The following TRAPPC9 variants were observed in gnomAD, a reference collection of about 807,000 sequenced individuals.
TRAPPC9 encodes IKK2 binding protein.
TRAPPC9 carries 83 observed loss-of-function variants against 124.0 expected under a neutral mutation model. That is an observed-to-expected ratio of 0.67 (90% CI 0.56 to 0.80). TRAPPC9 has a LOEUF of 0.80. Ranked by LOEUF, TRAPPC9 falls within the 30% of genes least tolerant of loss-of-function variation. The pLI is 0.00. For missense variants in TRAPPC9, 1,302 were observed against 1,508.3 expected (o/e 0.86, Z 2.27); for synonymous variants, 638 against 617.5 (o/e 1.03, Z -0.49).
At chr8:139,929,707 C>G (rs1404734139) in intron 19 of TRAPPC9, among the ~76,000 whole-genome samples, 1 of 152,262 alleles carries the variant, frequency 6.6e-6, no homozygotes, top group Non-Finnish European at 1.5e-5. Context: ...GCTTCAGGAA[C>G]CATGGTGCCA....
intron 18 of TRAPPC9, 42 bp from the exon 19 acceptor site, chr8:139,988,878 C>A: frequency 1.5e-6 from 2 of 1,331,086 alleles, no homozygotes; most frequent in Non-Finnish European, 2.1e-6. Context: ...CTCTGACAGC[C>A]AAAGAGGAAT....
In TRAPPC9 at chr8:139,987,153, A is replaced by G. The variant is rs147420641; in HGVS notation, c.2810+1573T>C. ...ATTCCGTTTGTAAGAAAACACCGCC[A>G]TTTGTTTGTCCGTTCTCCTGTAATG... On this transcript the variant is annotated intron_variant, in intron 19 of 22. Coordinates refer to ENST00000438773, the MANE Select transcript of TRAPPC9 (RefSeq NM_001160372.4). 6.4e-3 allele frequency among the ~76,000 whole-genome samples: 971 copies of G among 152,152 alleles called. 33 individuals carry two copies. Among genetic ancestry groups the G allele is most frequent in the Admixed American group, 0.052 (791 of 15,284 alleles).
intron 18 of TRAPPC9, among the ~76,000 whole-genome samples, chr8:140,021,095 C>G (rs922470076): frequency 1.3e-5 from 2 of 152,124 alleles, no homozygotes; most frequent in Non-Finnish European, 2.9e-5. Flanking sequence ...AATCTATTTA[C>G]GTTTAGTGTA....
intron 19 of TRAPPC9, among the ~76,000 whole-genome samples, chr8:139,975,920 G>C (rs1836413510): frequency 6.7e-6 from 1 of 148,322 alleles, no homozygotes; most frequent in African/African-American, 2.5e-5. Flanking sequence ...AATGGAGAAA[G>C]GACAGTCTTT....
rs569493110 is a variant in TRAPPC9 at position 140,066,815 on chromosome 8, G to T, written c.2557-42736C>A. On this transcript the variant is annotated intron_variant, in intron 17 of 22. Coordinates refer to ENST00000438773, the MANE Select transcript of TRAPPC9 (RefSeq NM_001160372.4). Reference sequence around the variant, plus strand: ...CAAAGGATGGGCACCCTCATCTCAGGGAGCAGTGCCAAGGGGCACAAAGCA... The same window carrying T: ...CAAAGGATGGGCACCCTCATCTCAGTGAGCAGTGCCAAGGGGCACAAAGCA... Among the ~76,000 whole-genome samples, 41 of 152,290 alleles carry T rather than the reference G, an allele frequency of 2.7e-4. 2 individuals carry two copies. The South Asian group carries it at 8.3e-3, about 31-fold the overall frequency.
At chr8:140,218,007 ACT>A (rs545393687) in intron 17 of TRAPPC9, among the ~76,000 whole-genome samples, 82 of 130,754 alleles carry the variant, frequency 6.3e-4, no homozygotes, top group African/African-American at 8.1e-4. Context: ...AGAGAGCAAT[ACT>A]CTGTCTCCAA....
chr8:140,210,765 T>TC (rs896873306), intron 17 of TRAPPC9, among the ~76,000 whole-genome samples: 5 of 152,034 alleles, frequency 3.3e-5, no homozygotes, highest in Non-Finnish European at 5.9e-5. Context: ...GGATGTTCTC[T>TC]CCCCCGGCTC....
chr8:140,325,939 C>G (rs1418160735), intron 9 of TRAPPC9, among the ~76,000 whole-genome samples: 8 of 152,116 alleles, frequency 5.3e-5, no homozygotes, highest in African/African-American at 1.9e-4. Flanking sequence ...CTGGCACCCC[C>G]AAAGCACTAT....
intron 5 of TRAPPC9, among the ~76,000 whole-genome samples, chr8:140,423,710 A>ATACACATG (rs2070321433): frequency 6.6e-6 from 1 of 151,490 alleles, no homozygotes; most frequent in Non-Finnish European, 1.5e-5. Context: ...GTATACACAT[A>ATACACATG]TATACATATA....
In TRAPPC9 at chr8:139,748,761, C is replaced by G. The variant is rs78963993; in HGVS notation, c.3056-16559G>C. Among the ~76,000 whole-genome samples the G allele has an allele frequency of 3.4e-4, 51 of 152,172 alleles. 1 individual carries two copies. Among genetic ancestry groups the G allele is most frequent in the Admixed American group, 1.1e-3 (17 of 15,290 alleles). Reference sequence around the variant, plus strand: ...TGCCCTCGGCATTCTGCACCTTGTGCCCATGTGTGCCACCTAGAAGGGCAT... The same window carrying G: ...TGCCCTCGGCATTCTGCACCTTGTGGCCATGTGTGCCACCTAGAAGGGCAT... On this transcript the variant is annotated intron_variant, in intron 21 of 22. Transcript: ENST00000438773.
At chr8:140,392,851 G>A (rs992547575) in intron 7 of TRAPPC9, among the ~76,000 whole-genome samples, 4 of 152,116 alleles carry the variant, frequency 2.6e-5, no homozygotes, top group African/African-American at 9.7e-5. Flanking sequence ...CTGTTAATGG[G>A]TCCTCAACAA....
intron 21 of TRAPPC9, among the ~76,000 whole-genome samples, chr8:139,817,207 TAA>T (rs1486692126): frequency 6.6e-6 from 1 of 152,046 alleles, no homozygotes; most frequent in Admixed American, 6.6e-5. Context: ...CATCTGGAGT[TAA>T]GTCAATGAGG....
chr8:140,272,402 G>A (rs1221393164), intron 15 of TRAPPC9, among the ~76,000 whole-genome samples: 1 of 144,202 alleles, frequency 6.9e-6, no homozygotes, highest in African/African-American at 2.5e-5. Flanking sequence ...GGTGGCGATG[G>A]TGATAATGGT....
intron 21 of TRAPPC9, among the ~76,000 whole-genome samples, chr8:139,855,454 T>A (rs549569822): frequency 6.6e-6 from 1 of 152,178 alleles, no homozygotes; most frequent in Non-Finnish European, 1.5e-5. Flanking sequence ...AACGGCATCA[T>A]CAACATGGCA....
intron 5 of TRAPPC9, among the ~76,000 whole-genome samples, chr8:140,414,751 TTTTAA>T: frequency 6.6e-6 from 1 of 152,258 alleles, no homozygotes; most frequent in East Asian, 1.9e-4. Flanking sequence ...CACTTTTTTT[TTTTAA>T]TTTGAGACAG....
chr8:140,188,725 C>T (rs2062406339), intron 17 of TRAPPC9, among the ~76,000 whole-genome samples: 1 of 152,150 alleles, frequency 6.6e-6, no homozygotes, highest in Admixed American at 6.5e-5. Flanking sequence ...CCTGACTGCC[C>T]CCTTCAACAC....
chr8:140,362,955 A>C (rs2068002123), intron 8 of TRAPPC9, among the ~76,000 whole-genome samples: 1 of 152,226 alleles, frequency 6.6e-6, no homozygotes, highest in South Asian at 2.1e-4. Flanking sequence ...ACAAGTCATA[A>C]TTTCTATGTG....
intron 21 of TRAPPC9, among the ~76,000 whole-genome samples, chr8:139,820,007 CAAAAAAAA>C (rs35064399): frequency 1.7e-4 from 9 of 51,810 alleles, no homozygotes; most frequent in Non-Finnish European, 2.3e-4. Flanking sequence ...GACTCTGTCT[CAAAAAAAA>C]AAAAAAAAAA....
chr8:139,857,601 G>A (rs774120559), intron 21 of TRAPPC9, among the ~76,000 whole-genome samples: 2 of 152,196 alleles, frequency 1.3e-5, no homozygotes, highest in African/African-American at 4.8e-5. Context: ...CACAACAGCC[G>A]GAGCAGCCAC....
Sources: allele counts gnomAD v4.1 joint callset (sites outside exome capture counted in the v4.1 genomes callset), GRCh38; gene constraint gnomAD v4.1.1; transcripts MANE v1.5; gene names NCBI Gene and HGNC (gene_info 2026-07-23, HGNC 2026-07-21).